The following FBXO3 variants were observed in gnomAD, a reference collection of about 807,000 sequenced individuals.
FBXO3 encodes F-box protein 3, also known as F-box only protein 3.
Under a neutral mutation model 64.8 loss-of-function variants are expected in FBXO3, and 17 were observed. The observed-to-expected ratio is 0.26, with a 90% CI of 0.18 to 0.39. FBXO3 has a LOEUF of 0.39. FBXO3 is among the 10% of genes least tolerant of loss of function. The probability of loss-of-function intolerance (pLI) is 1.00; values close to 1 mark genes in which losing one functional copy is unlikely to be tolerated. For missense variants in FBXO3, 420 were observed against 589.9 expected (o/e 0.71, Z 2.98); for synonymous variants, 182 against 201.6 (o/e 0.90, Z 0.82).
intron 1 of FBXO3, chr11:33,773,787 C>T (rs1338520720): frequency 6.6e-6 from 1 of 152,480 alleles, no homozygotes; most frequent in African/African-American, 2.4e-5. Flanking sequence ...AAGTCAGTAC[C>T]AAAACATAAA....
intron 4 of FBXO3, 69 bp from the exon 5 acceptor site, chr11:33,756,044 T>C (rs1855089099): frequency 1.5e-6 from 2 of 1,293,208 alleles, no homozygotes; most frequent in Non-Finnish European, 2.2e-6. Context: ...ATCTTTCTGA[T>C]GAATAATAAT....
chr11:33,760,258 T>G (rs561738200), intron 3 of FBXO3, among the ~76,000 whole-genome samples: 18 of 152,272 alleles, frequency 1.2e-4, no homozygotes, highest in African/African-American at 4.3e-4. Context: ...AAGACAAAGA[T>G]AAATTTTAAA....
At chr11:33,772,729 T>G (rs1855538879) in intron 1 of FBXO3, 1 of 152,202 alleles carries the variant, frequency 6.6e-6, no homozygotes, top group African/African-American at 2.4e-5. Context: ...GACTGTAAGC[T>G]CCATAAGAGT....
chr11:33,751,673 C>T, intron 6 of FBXO3, 66 bp from the exon 7 acceptor site: 1 of 877,850 alleles, frequency 1.1e-6, no homozygotes, highest in East Asian at 2.6e-5. Context: ...ATACAGGAAA[C>T]AATTGTAATT....
intron 10 of FBXO3, chr11:33,746,854 G>A: frequency 7.1e-7 from 1 of 1,418,310 alleles, no homozygotes; most frequent in Non-Finnish European, 9.1e-7. Flanking sequence ...GATTCTACTG[G>A]TCTAATGTGG....
At position 33,774,409 on chromosome 11, in the gene FBXO3, T is replaced by C. The variant is rs1590594025; in HGVS notation, c.89A>G (p.Tyr30Cys). 10 of 1,605,136 alleles carry C rather than the reference T, an allele frequency of 6.2e-6. No homozygotes were observed. The highest frequency in any genetic ancestry group is 1.1e-5 in the South Asian group (1 of 90,016). ...PLLLILSFLD[Y>C]RDLINCCYVS... ...GTCCCATTACTTGATTAGATCCCGA[T>C]AGTCCAAAAAGGATAAGATGAGGAG... is the stretch of plus-strand genomic sequence containing the variant. Residue 30 changes from tyrosine to cysteine, a missense_variant, in exon 1 of 11, where the codon TAT becomes TGT. Transcript: ENST00000265651.
In FBXO3 at chr11:33,741,897, CAGA is replaced by C. The variant is rs766049110; in HGVS notation, c.*8_*10del. On this transcript the variant is annotated 3_prime_UTR_variant, in exon 11 of 11. Transcript: ENST00000265651. ...AGAATCATCCTAGTGCTTCCATCAGCAGAAGGCTTGCTAAAAAAGGCGTGAGCA... is the reference window on the plus strand; with the variant it reads ...AGAATCATCCTAGTGCTTCCATCAGCAGGCTTGCTAAAAAAGGCGTGAGCA... 6.2e-7 allele frequency: 1 copy of C among 1,607,686 alleles called. No homozygotes were observed. Among genetic ancestry groups the C allele is most frequent in the Non-Finnish European group, 8.5e-7 (1 of 1,176,942 alleles).
intron 3 of FBXO3, among the ~76,000 whole-genome samples, chr11:33,760,971 A>G (rs986934886): frequency 1.3e-5 from 2 of 152,222 alleles, no homozygotes; most frequent in Admixed American, 1.3e-4. Flanking sequence ...GGGAAATTAA[A>G]TATGTTAAAA....
chr11:33,763,258 T>G (rs1375662911), intron 3 of FBXO3: 1 of 447,922 alleles, frequency 2.2e-6, no homozygotes, highest in Non-Finnish European at 4.5e-6. Context: ...ACTCGTTTTA[T>G]AAGGCCAGCA....
Position 33,768,845 on chromosome 11 carries a change from C to T in FBXO3, c.358+6G>A. The T allele has an allele frequency of 6.2e-7, 1 of 1,613,904 alleles. No homozygotes were observed. The highest frequency in any genetic ancestry group is 1.3e-5 in the African/African-American group (1 of 75,030). ...AACGGGGAAAGGGACCCTGAATTCC[C>T]AGTACCTTTCAGAGATAAAACCATC... On this transcript the variant is annotated splice_donor_region_variant and intron_variant, in intron 3 of 10. Coordinates refer to ENST00000265651, the MANE Select transcript of FBXO3 (RefSeq NM_012175.4).
chr11:33,741,682 C>A lies in FBXO3; in HGVS notation c.*226G>T. 2.7e-6 allele frequency: 1 copy of A among 366,862 alleles called. No individual in the cohort carries two copies. 22.7% of individuals were successfully genotyped at this position (366,862 alleles called of 1,614,324 possible). A position where few individuals can be genotyped will look rare whatever the true frequency, so the allele number is the denominator to read the frequency against. ...TAGAGAACTATTCTTCCACTGACTCCTGGAAGAGAAAAAAAAGATTCCCAT... is the reference window on the plus strand; with the variant it reads ...TAGAGAACTATTCTTCCACTGACTCATGGAAGAGAAAAAAAAGATTCCCAT... On this transcript the variant is annotated 3_prime_UTR_variant, in exon 11 of 11. Transcript: ENST00000265651.
intron 10 of FBXO3, chr11:33,745,664 T>C (rs938753154): frequency 2.0e-5 from 3 of 152,128 alleles, no homozygotes; most frequent in African/African-American, 7.2e-5. Context: ...ACTTGTGAAA[T>C]GCAGCTAAAA....
intron 5 of FBXO3, among the ~76,000 whole-genome samples, chr11:33,754,707 A>G (rs1298174521): frequency 1.3e-5 from 2 of 152,212 alleles, no homozygotes; most frequent in African/African-American, 2.4e-5. Context: ...TTCTTTCAGT[A>G]AATGGAGAGA....
Position 33,750,669 on chromosome 11 carries a change from A to G in FBXO3, c.810-8T>C. 1 of 1,604,498 alleles carries G rather than the reference A, an allele frequency of 6.2e-7. No individual in the cohort carries two copies. Among genetic ancestry groups the G allele is most frequent in the Non-Finnish European group, 8.5e-7 (1 of 1,173,744 alleles). ...TCTGGATCGTGAACATATCTAGGTA[A>G]TTTAAAAATTAAACATTTTAAAATC... On this transcript the variant is annotated splice_region_variant and splice_polypyrimidine_tract_variant and intron_variant, in intron 7 of 10. Transcript: ENST00000265651.
rs958261075 is a variant in FBXO3 at position 33,743,249 on chromosome 11, G to C, written c.1240-1165C>G. The stretch of plus-strand genomic sequence containing the variant: ...ATATATCTAAGATCAACCCACACTG[G>C]AAGGAAATGACAGCCTCTATTTTAA... On this transcript the variant is annotated intron_variant, in intron 10 of 10. Transcript: ENST00000265651. The surrounding 1 kb of genome is among the most constrained non-coding windows in gnomAD (Gnocchi z 4.6). 6.6e-6 allele frequency: 1 copy of C among 152,228 alleles called. No individual in the cohort carries two copies. The highest frequency in any genetic ancestry group is 2.4e-5 in the African/African-American group (1 of 41,444). 9.4% of individuals were successfully genotyped at this position (152,228 alleles called of 1,614,324 possible). A position where few individuals can be genotyped will look rare whatever the true frequency, so the allele number is the denominator to read the frequency against.
chr11:33,755,760 G>A lies in FBXO3; in HGVS notation c.678+11C>T, dbSNP rs200950248. ...ATCTTAATGCCATATTTAAACACAC[G>A]TTCTACTTACTGGACATTGGTAGAA... is the stretch of plus-strand genomic sequence containing the variant. On this transcript the variant is annotated intron_variant, in intron 5 of 10. Coordinates refer to ENST00000265651, the MANE Select transcript of FBXO3 (RefSeq NM_012175.4). 1.7e-3 allele frequency: 2,644 copies of A among 1,600,342 alleles called. 2 individuals are homozygous for A. The highest frequency in any genetic ancestry group is 2.1e-3 in the Non-Finnish European group (2,432 of 1,167,992).
intron 5 of FBXO3, among the ~76,000 whole-genome samples, chr11:33,755,354 A>T (rs1855069157): frequency 6.6e-6 from 1 of 152,198 alleles, no homozygotes; most frequent in African/African-American, 2.4e-5. Context: ...AAAGTCTCCT[A>T]AAAAAGAACT....
In FBXO3 at chr11:33,747,219, AATG is replaced by A; in HGVS notation, c.1147_1149del (p.His383del). 1.2e-6 allele frequency: 2 copies of A among 1,612,172 alleles called. No individual in the cohort carries two copies. Among genetic ancestry groups the A allele is most frequent in the Non-Finnish European group, 1.7e-6 (2 of 1,179,502 alleles). ...AAGATCTTGTCTTTAAAGTAAAGAA[AATG>A]GAAGGTATAATATCCTTCCATGTAT... On this transcript the variant is annotated inframe_deletion, in exon 10 of 11. Coordinates refer to ENST00000265651, the MANE Select transcript of FBXO3 (RefSeq NM_012175.4).
At chr11:33,762,386 A>G (rs941291506) in intron 3 of FBXO3, among the ~76,000 whole-genome samples, 7 of 152,224 alleles carry the variant, frequency 4.6e-5, no homozygotes, top group African/African-American at 1.4e-4. Flanking sequence ...AATAGATCAC[A>G]TACCGGACCA....
Sources: allele counts gnomAD v4.1 joint callset (sites outside exome capture counted in the v4.1 genomes callset), GRCh38; gene constraint gnomAD v4.1.1; non-coding constraint Gnocchi (gnomAD v3.1); transcripts MANE v1.5; gene names NCBI Gene and HGNC (gene_info 2026-07-23, HGNC 2026-07-21).